The following TTC1 variants were observed in gnomAD, a reference collection of about 807,000 sequenced individuals.
The protein encoded by TTC1 is tetratricopeptide repeat protein 1.
A neutral mutation model predicts 37.6 loss-of-function variants in TTC1; 31 were observed. The ratio of observed to expected loss-of-function variants is 0.82; its 90% CI spans 0.62 to 1.11. TTC1 has a LOEUF of 1.11. Among genes scored for constraint, TTC1 ranks in the 50% most tolerant of loss-of-function variants. The probability of loss-of-function intolerance (pLI) is 0.00; values close to 1 mark genes in which losing one functional copy is unlikely to be tolerated. For synonymous variants in TTC1, 127 were observed against 122.4 expected (o/e 1.04, Z -0.25); for missense variants, 351 against 339.0 (o/e 1.04, Z -0.28).
intron 7 of TTC1, among the ~76,000 whole-genome samples, chr5:160,053,857 C>T (rs1237253331): frequency 6.6e-6 from 1 of 152,190 alleles, no homozygotes; most frequent in African/African-American, 2.4e-5. Context: ...GAGCTATGTA[C>T]TCCTTGAGGG....
rs1364249018 is a variant in TTC1, at chr5:160,064,551, G to C, written c.746-381G>C. 4.6e-5 allele frequency among the ~76,000 whole-genome samples: 7 copies of C among 152,364 alleles called. No homozygotes were observed. In the East Asian group the frequency reaches 1.3e-3, roughly 29 times the overall value. ...GGACCTCTGCCCTCACTACCAGGCA[G>C]ACCTGGCTTGGCAGGGTGCCTTGAG... On this transcript the variant is annotated intron_variant, in intron 7 of 7. Transcript: ENST00000231238.
intron 4 of TTC1, 110 bp downstream of exon 4, chr5:160,036,913 C>A: frequency 1.4e-6 from 1 of 693,780 alleles, no homozygotes; most frequent in Non-Finnish European, 2.4e-6. Flanking sequence ...CCTTTTCCTG[C>A]CCATATATTT....
chr5:160,016,197 G>C (rs545238889), intron 2 of TTC1, among the ~76,000 whole-genome samples: 1 of 152,242 alleles, frequency 6.6e-6, no homozygotes, highest in Non-Finnish European at 1.5e-5. Context: ...GGCCAACATG[G>C]TGAAACCCCA....
intron 7 of TTC1, among the ~76,000 whole-genome samples, chr5:160,060,857 C>T (rs1561641935): frequency 6.6e-6 from 1 of 152,220 alleles, no homozygotes; most frequent in Non-Finnish European, 1.5e-5. Flanking sequence ...GTTCCACTGA[C>T]CACACTCTGG....
chr5:160,051,291 C>A, intron 7 of TTC1, 108 bp downstream of exon 7: 4 of 825,054 alleles, frequency 4.8e-6, no homozygotes, highest in South Asian at 2.5e-5. Context: ...CGGACTCTAC[C>A]ACAAGGCTAC....
chr5:160,058,240 C>T lies in TTC1; in HGVS notation c.746-6692C>T, dbSNP rs116661678. 3.1e-3 allele frequency among the ~76,000 whole-genome samples: 465 copies of T among 152,276 alleles called. 4 individuals are homozygous for T. The highest frequency in any genetic ancestry group is 0.011 in the African/African-American group (451 of 41,532). ...AATTTAGTCACATCTTCAAGCGCCA[C>T]TCGAATTCTAGTTACCTTGTTATTG... is the stretch of plus-strand genomic sequence containing the variant. On this transcript the variant is annotated intron_variant, in intron 7 of 7. Coordinates refer to ENST00000231238, the MANE Select transcript of TTC1 (RefSeq NM_003314.3).
chr5:160,058,415 T>TCG (rs1561640879), intron 7 of TTC1, among the ~76,000 whole-genome samples: 4 of 150,246 alleles, frequency 2.7e-5, no homozygotes, highest in African/African-American at 9.8e-5. Context: ...ATTTCTTTTT[T>TCG]TTTTTTTTTT....
At position 160,010,742 on chromosome 5, in the gene TTC1, G is replaced by T. The variant is rs773006026; in HGVS notation, c.214G>T (p.Glu72Ter). The T allele has an allele frequency of 6.2e-7, 1 of 1,614,122 alleles. No homozygotes were observed. The highest frequency in any genetic ancestry group is 8.5e-7 in the Non-Finnish European group (1 of 1,179,994). The change falls in exon 2 of 8, where the codon GAG becomes TAG. Residue 72 changes from glutamate (E) to a stop codon, truncating the protein, a stop_gained. Coordinates refer to ENST00000231238, the MANE Select transcript of TTC1 (RefSeq NM_003314.3). LOFTEE classifies it high-confidence loss of function. ...TCATGACTGCAGTGCCTCATTTGAGGAGGAGCCAGGAGCGGACAAGGTTGA... is the reference window on the plus strand; with the variant it reads ...TCATGACTGCAGTGCCTCATTTGAGTAGGAGCCAGGAGCGGACAAGGTTGA... ...CFHDCSASFEEEPGADKVENK... is the reference protein window; with the variant it reads ...CFHDCSASFE
At chr5:160,011,902 G>C (rs1259040398) in intron 2 of TTC1, among the ~76,000 whole-genome samples, 1 of 152,188 alleles carries the variant, frequency 6.6e-6, no homozygotes, top group East Asian at 1.9e-4. Context: ...CCTAACAGTG[G>C]GGGTGGGAAG....
Position 160,064,984 on chromosome 5 carries a change from G to C in TTC1, c.798G>C (p.Thr266=), listed in dbSNP as rs373621862. ...TTCTCCGACCTTTTGGGCTCTCCAC[G>C]GAAAATTTCCAGATCAAACAGGATT... ...NLVLRPFGLS[T]ENFQIKQDSS... The change falls in exon 8 of 8, where the codon ACG becomes ACC. Residue 266 remains threonine (T), a synonymous_variant. Transcript: ENST00000231238. 1 of 1,613,946 alleles carries C rather than the reference G, an allele frequency of 6.2e-7. No individual in the cohort carries two copies. The highest frequency in any genetic ancestry group is 1.1e-5 in the South Asian group (1 of 91,034).
chr5:160,061,380 C>T (rs1753391590), intron 7 of TTC1, among the ~76,000 whole-genome samples: 1 of 152,244 alleles, frequency 6.6e-6, no homozygotes, highest in Non-Finnish European at 1.5e-5. Flanking sequence ...AACTCAGCTA[C>T]ATATGAATTT....
At chr5:160,046,877 C>T (rs114921795) in intron 5 of TTC1, among the ~76,000 whole-genome samples, 6,658 of 151,906 alleles carry the variant, frequency 0.044, 174 homozygotes, top group East Asian at 0.12. Flanking sequence ...CAGGGCATGG[C>T]GGCACGTGCC....
intron 2 of TTC1, among the ~76,000 whole-genome samples, chr5:160,015,243 CTG>C (rs968608662): frequency 6.6e-6 from 1 of 152,178 alleles, no homozygotes; most frequent in Non-Finnish European, 1.5e-5. Context: ...AAGTCTCGCT[CTG>C]TTGCCCAGGC....
intron 5 of TTC1, among the ~76,000 whole-genome samples, chr5:160,045,504 ACACACACACATACACACTCTCTCT>A (rs1757201776): frequency 1.1e-5 from 1 of 95,140 alleles, no homozygotes; most frequent in African/African-American, 4.1e-5. Context: ...ACACACACAC[ACACACACACATACACACTCTCTCT>A]CTCTCTCTCT....
chr5:160,010,257 C>CAAAAA (rs397882520), intron 1 of TTC1, among the ~76,000 whole-genome samples: 7 of 50,298 alleles, frequency 1.4e-4, no homozygotes, highest in Non-Finnish European at 2.7e-4. Flanking sequence ...GATTAAGTCT[C>CAAAAA]AAAAAAAAAA....
At chr5:160,018,615 A>T (rs975755972) in intron 2 of TTC1, among the ~76,000 whole-genome samples, 2 of 152,228 alleles carry the variant, frequency 1.3e-5, no homozygotes, top group African/African-American at 4.8e-5. Flanking sequence ...CTGATTATGG[A>T]ATAGTTCCTA....
At chr5:160,012,855 G>A (rs1193270252) in intron 2 of TTC1, among the ~76,000 whole-genome samples, 1 of 152,150 alleles carries the variant, frequency 6.6e-6, no homozygotes, top group African/African-American at 2.4e-5. Context: ...TCAAGATAGA[G>A]AACATTTCCA....
At chr5:160,040,443 A>AT (rs1757068461) in intron 4 of TTC1, among the ~76,000 whole-genome samples, 1 of 151,984 alleles carries the variant, frequency 6.6e-6, no homozygotes. Flanking sequence ...TATTTTTTTA[A>AT]TTTTTCTTTA....
intron 2 of TTC1, among the ~76,000 whole-genome samples, chr5:160,011,903 G>A (rs1051592210): frequency 6.6e-6 from 1 of 152,210 alleles, no homozygotes; most frequent in African/African-American, 2.4e-5. Flanking sequence ...CTAACAGTGG[G>A]GGTGGGAAGG....
Sources: gnomAD v4.1 joint callset for allele counts (sites outside exome capture counted in the v4.1 genomes callset) on GRCh38, gnomAD v4.1.1 for gene constraint, MANE v1.5 for transcripts, NCBI Gene and HGNC (gene_info 2026-07-23, HGNC 2026-07-21) for gene names.